The following TAPT1 variants were observed in gnomAD, a reference collection of about 807,000 sequenced individuals.
TAPT1 encodes transmembrane anterior posterior transformation protein 1 homolog.
TAPT1 carries 28 observed loss-of-function variants against 65.6 expected under a neutral mutation model. That is an observed-to-expected ratio of 0.43 (90% CI 0.32 to 0.59). The LOEUF is 0.59. TAPT1 is among the 20% of genes least tolerant of loss of function. The pLI, the probability that TAPT1 is intolerant of heterozygous loss-of-function variation, is 0.09. For missense variants in TAPT1, 563 were observed against 679.9 expected, an observed-to-expected ratio of 0.83 and a Z score of 1.91; for synonymous variants, 278 against 245.2, an observed-to-expected ratio of 1.13 and a Z score of -1.25.
At chr4:16,215,966 T>C (rs549769096) in intron 1 of TAPT1, 2 of 152,280 alleles carry the variant, frequency 1.3e-5, no homozygotes, top group East Asian at 3.9e-4. Flanking sequence ...AAAAAGTATG[T>C]TTTGATTAGT....
At chr4:16,174,623 GACTATGCCTTTGTTAAT>G (rs1748211088) in intron 10 of TAPT1, 30 bp downstream of exon 10, 2 of 1,477,190 alleles carry the variant, frequency 1.4e-6, no homozygotes, top group Non-Finnish European at 1.8e-6. Context: ...GTTAATTTCA[GACTATGCCTTTGTTAAT>G]TTCAGACTAC....
chr4:16,226,552 G>A, upstream of TAPT1: 1 of 786,768 alleles, frequency 1.3e-6, no homozygotes, highest in Non-Finnish European at 1.5e-6. Flanking sequence ...GCCGGAGCCC[G>A]AGCCGCCGCC....
intron 2 of TAPT1, among the ~76,000 whole-genome samples, chr4:16,209,188 C>T (rs1422490134): frequency 6.6e-6 from 1 of 152,138 alleles, no homozygotes; most frequent in Non-Finnish European, 1.5e-5. Context: ...AAAGCATATA[C>T]GACAAAATCT....
upstream of TAPT1, chr4:16,227,383 GACC>G: frequency 2.2e-6 from 1 of 446,916 alleles, no homozygotes; most frequent in Non-Finnish European, 4.6e-6. Flanking sequence ...GTGGTGTCGA[GACC>G]ACCACCAGCT....
intron 1 of TAPT1, chr4:16,225,970 G>T: frequency 1.0e-6 from 1 of 994,136 alleles, no homozygotes; most frequent in Non-Finnish European, 1.2e-6. Context: ...TTCCGAGGGC[G>T]ATGCAAGGAC....
At chr4:16,179,392 C>T (rs979913308) in intron 8 of TAPT1, 185 bp downstream of exon 8, 1 of 468,276 alleles carries the variant, frequency 2.1e-6, no homozygotes, top group Non-Finnish European at 3.9e-6. Context: ...GGACCACCAT[C>T]GTATATGTGG....
At chr4:16,167,524 T>C (rs1010299806) in intron 12 of TAPT1, among the ~76,000 whole-genome samples, 5 of 152,200 alleles carry the variant, frequency 3.3e-5, no homozygotes, top group South Asian at 2.1e-4. Context: ...TCTTGCTGTA[T>C]AGAAATGGTC....
Position 16,191,342 on chromosome 4 carries a change from G to C in TAPT1, c.612+19C>G. 1 of 1,588,574 alleles carries C rather than the reference G, an allele frequency of 6.3e-7. No individual in the cohort carries two copies. The highest frequency in any genetic ancestry group is 8.6e-7 in the Non-Finnish European group (1 of 1,167,074). On this transcript the variant is annotated intron_variant, in intron 4 of 13. Coordinates refer to ENST00000405303, the MANE Select transcript of TAPT1 (RefSeq NM_153365.3). ...TGAGTGCCCTGGCCAGGCCTGTGCGGGGTAAGCAAGGCCCTTACCTCCAGC... is the reference window on the plus strand; with the variant it reads ...TGAGTGCCCTGGCCAGGCCTGTGCGCGGTAAGCAAGGCCCTTACCTCCAGC...
rs555841268 is a variant in TAPT1, at chr4:16,195,411, T to C, written c.450-3888A>G. On this transcript the variant is annotated intron_variant, in intron 3 of 13. Transcript: ENST00000405303. ...ATGATGAAAACCCCATATGAAAGCATAAACAAGTGAAACATACTGTTGGGC... is the reference window on the plus strand; with the variant it reads ...ATGATGAAAACCCCATATGAAAGCACAAACAAGTGAAACATACTGTTGGGC... 2.0e-5 allele frequency among the ~76,000 whole-genome samples: 3 copies of C among 152,322 alleles called. No homozygotes were observed. The East Asian group carries it at 5.8e-4, about 29-fold the overall frequency.
chr4:16,206,382 C>G (rs1345930652), intron 2 of TAPT1, among the ~76,000 whole-genome samples: 1 of 152,240 alleles, frequency 6.6e-6, no homozygotes, highest in African/African-American at 2.4e-5. Context: ...ACTTGATCCT[C>G]ACAACAACCC....
Position 16,166,709 on chromosome 4 carries a change from C to A in TAPT1, c.1398G>T (p.Lys466Asn), listed in dbSNP as rs1747647260. 1.9e-6 allele frequency: 3 copies of A among 1,613,828 alleles called. No individual in the cohort carries two copies. In the Admixed American group the frequency reaches 5.0e-5, roughly 27 times the overall value. ...QYVKEAKMEE[K>N]LSNPPATCTP... is the part of the protein sequence containing the mutation. ...TGCAGGTTGCGGGAGGATTCGACAG[C>A]TTCTCTTCCATTTTGGCTTCCTTCA... The change falls in exon 13 of 14, where the codon AAG (lysine) becomes AAT (asparagine). Residue 466 changes from lysine (K) to asparagine (N), a missense_variant. Lys to Asn is a moderately conservative substitution (Grantham distance 94, BLOSUM62 0). This residue lies in a region of TAPT1 where 136 missense variants were observed against 153.9 expected (regional missense o/e 0.88). Transcript: ENST00000405303.
chr4:16,203,111 G>A (rs926784866), intron 2 of TAPT1, among the ~76,000 whole-genome samples: 6 of 152,036 alleles, frequency 3.9e-5, no homozygotes, highest in African/African-American at 1.4e-4. Flanking sequence ...TTGAGTACTT[G>A]CCATACCCTT....
At chr4:16,175,216 A>G (rs1172411007) in intron 9 of TAPT1, among the ~76,000 whole-genome samples, 2 of 152,274 alleles carry the variant, frequency 1.3e-5, no homozygotes, top group African/African-American at 2.4e-5. Flanking sequence ...AAAGTGCACA[A>G]GTGTCTCAAT....
At chr4:16,199,378 T>C (rs1461935449) in intron 3 of TAPT1, among the ~76,000 whole-genome samples, 1 of 152,142 alleles carries the variant, frequency 6.6e-6, no homozygotes, top group Non-Finnish European at 1.5e-5. Context: ...AAAGAAAACA[T>C]CTTATTTTCA....
At chr4:16,192,504 G>A (rs1199171213) in intron 3 of TAPT1, among the ~76,000 whole-genome samples, 1 of 152,238 alleles carries the variant, frequency 6.6e-6, no homozygotes, top group South Asian at 2.1e-4. Context: ...ATTAATATGA[G>A]CAGAAGAATC....
chr4:16,163,389 A>C lies in TAPT1; in HGVS notation c.1623T>G (p.Asn541Lys). 1.2e-6 allele frequency: 2 copies of C among 1,613,972 alleles called. No homozygotes were observed. The highest frequency in any genetic ancestry group is 1.7e-6 in the Non-Finnish European group (2 of 1,179,878). Residue 541 changes from asparagine to lysine, a missense_variant, in exon 14 of 14, where the codon AAT becomes AAG. By Grantham distance (94) the Asn-to-Lys change is moderately conservative (BLOSUM62 0). Coordinates refer to ENST00000405303, the MANE Select transcript of TAPT1 (RefSeq NM_153365.3). ...DGDEKDITQD[N>K]SELKHRSSKK... ...TTGAGGATCTGTGTTTTAATTCAGAATTGTCCTGCGTTATGTCCTTCTCGT... is the reference window on the plus strand; with the variant it reads ...TTGAGGATCTGTGTTTTAATTCAGACTTGTCCTGCGTTATGTCCTTCTCGT...
chr4:16,191,458 C>T lies in TAPT1; in HGVS notation c.515G>A (p.Cys172Tyr). Reference sequence around the variant, plus strand: ...GTCAACATAGTGCATCATAAAATAGCAGATTACCAAAATGACACCCTTCAA... The same window carrying T: ...GTCAACATAGTGCATCATAAAATAGTAGATTACCAAAATGACACCCTTCAA... ...DILKGVILVI[C>Y]YFMMHYVDYS... Residue 172 changes from cysteine to tyrosine, a missense_variant, in exon 4 of 14, where the codon TGC becomes TAC. Cys to Tyr is a radical substitution (Grantham distance 194). Coordinates refer to ENST00000405303, the MANE Select transcript of TAPT1 (RefSeq NM_153365.3). 6.4e-7 allele frequency: 1 copy of T among 1,574,722 alleles called. No individual in the cohort carries two copies. Among genetic ancestry groups the T allele is most frequent in the East Asian group, 2.3e-5 (1 of 42,994 alleles).
intron 2 of TAPT1, among the ~76,000 whole-genome samples, chr4:16,208,083 C>A (rs561947657): frequency 1.2e-4 from 18 of 152,200 alleles, no homozygotes; most frequent in Non-Finnish European, 2.2e-4. Flanking sequence ...ATACATCTGA[C>A]ATATTTAACC....
intron 7 of TAPT1, among the ~76,000 whole-genome samples, chr4:16,183,444 C>T (rs1018277175): frequency 6.6e-6 from 1 of 151,850 alleles, no homozygotes; most frequent in African/African-American, 2.4e-5. Context: ...TATTGAATAC[C>T]TAATCTTTCT....
Sources: allele counts gnomAD v4.1 joint callset (sites outside exome capture counted in the v4.1 genomes callset), GRCh38; gene constraint gnomAD v4.1.1; regional missense constraint gnomAD v4.1.1; transcripts MANE v1.5; gene names NCBI Gene and HGNC (gene_info 2026-07-23, HGNC 2026-07-21).